CELF2: variants seen among roughly 807,000 people sequenced by gnomAD.
CELF2 encodes CUG triplet repeat RNA-binding protein 2.
CELF2 carries 8 observed loss-of-function variants against 62.6 expected under a neutral mutation model. The observed-to-expected ratio is 0.13, with a 90% CI of 0.07 to 0.23. The LOEUF is 0.23. Ranked by LOEUF, CELF2 falls within the 10% of genes least tolerant of loss-of-function variation. CELF2 has a pLI of 1.00. For missense variants in CELF2, 333 were observed against 671.0 expected, an observed-to-expected ratio of 0.50 and a Z score of 5.56; for synonymous variants, 258 against 250.0, an observed-to-expected ratio of 1.03 and a Z score of -0.30.
the CELF2 span, among the ~76,000 whole-genome samples, chr10:10,726,984 G>A: frequency 1.3e-5 from 2 of 152,184 alleles, no homozygotes; most frequent in African/African-American, 4.8e-5. Context: ...GCTGGAGTAG[G>A]AGGAAGAGAG....
the CELF2 span, among the ~76,000 whole-genome samples, chr10:10,767,921 G>A: frequency 2.4e-5 from 3 of 127,266 alleles, no homozygotes; most frequent in Non-Finnish European, 4.8e-5. Flanking sequence ...GCGTGAACCC[G>A]GGAGGCGGAG....
the CELF2 span, among the ~76,000 whole-genome samples, chr10:10,583,669 GC>G: frequency 6.6e-6 from 1 of 152,096 alleles, no homozygotes; most frequent in Non-Finnish European, 1.5e-5. Context: ...TTTTCCAAAA[GC>G]CCTTTCCTTC....
chr10:11,212,926 C>T (rs575377966), intron 2 of CELF2, among the ~76,000 whole-genome samples: 4 of 152,190 alleles, frequency 2.6e-5, no homozygotes, highest in South Asian at 4.2e-4. Flanking sequence ...CATGAATCGT[C>T]CCATGCAGGT....
the CELF2 span, among the ~76,000 whole-genome samples, chr10:10,613,639 A>T: frequency 7.9e-5 from 12 of 152,284 alleles, no homozygotes; most frequent in South Asian, 2.3e-3. Flanking sequence ...CTTCCTCTCA[A>T]ATTGTTGAAT....
At chr10:10,702,758 G>T in the CELF2 span, among the ~76,000 whole-genome samples, 1 of 152,184 alleles carries the variant, frequency 6.6e-6, no homozygotes, top group Non-Finnish European at 1.5e-5. Flanking sequence ...CTAATTTTCT[G>T]TATTTTTAGT....
intron 2 of CELF2, among the ~76,000 whole-genome samples, chr10:11,213,361 C>T (rs2062436110): frequency 6.6e-6 from 1 of 152,204 alleles, no homozygotes; most frequent in South Asian, 2.1e-4. Context: ...GAATCCAGTA[C>T]ATTTCAGACC....
chr10:10,585,153 C>T, the CELF2 span, among the ~76,000 whole-genome samples: 5 of 152,112 alleles, frequency 3.3e-5, no homozygotes, highest in Non-Finnish European at 5.9e-5. Flanking sequence ...GATGCTCCTA[C>T]TAATTCATGT....
At chr10:10,815,501 T>C (rs1299080784) in intron 1 of CELF2, among the ~76,000 whole-genome samples, 2 of 152,234 alleles carry the variant, frequency 1.3e-5, no homozygotes, top group Non-Finnish European at 2.9e-5. Flanking sequence ...ACTAGCCCTG[T>C]TCTGCTGTCT....
At chr10:10,820,921 C>G (rs1056159511) in intron 1 of CELF2, among the ~76,000 whole-genome samples, 6 of 152,170 alleles carry the variant, frequency 3.9e-5, no homozygotes, top group African/African-American at 1.4e-4. Flanking sequence ...CAGAGTGAAT[C>G]TCGGAGAGCA....
At chr10:11,074,973 T>C (rs890348489) in intron 1 of CELF2, 10 of 152,236 alleles carry the variant, frequency 6.6e-5, no homozygotes, top group Non-Finnish European at 1.2e-4. Flanking sequence ...TATTTTCTCA[T>C]AGAACTGGTT....
intron 1 of CELF2, among the ~76,000 whole-genome samples, chr10:11,052,309 G>T (rs2064106852): frequency 6.6e-6 from 1 of 152,212 alleles, no homozygotes; most frequent in Non-Finnish European, 1.5e-5. Flanking sequence ...ACAACCAGTA[G>T]AGATCATTAC....
chr10:10,873,058 A>T (rs2060854282), intron 1 of CELF2, among the ~76,000 whole-genome samples: 1 of 151,980 alleles, frequency 6.6e-6, no homozygotes. Flanking sequence ...ATGTACACAC[A>T]TCCTTTTATC....
At chr10:10,762,110 G>A in the CELF2 span, among the ~76,000 whole-genome samples, 1 of 152,130 alleles carries the variant, frequency 6.6e-6, no homozygotes, top group Non-Finnish European at 1.5e-5. Flanking sequence ...AAAATTGGGA[G>A]AGAGACAGAG....
At chr10:10,896,537 A>T (rs896137563) in intron 1 of CELF2, among the ~76,000 whole-genome samples, 1 of 151,874 alleles carries the variant, frequency 6.6e-6, no homozygotes, top group Admixed American at 6.6e-5. Context: ...CCTAAATCCA[A>T]TATGGCCAGT....
chr10:10,949,403 C>T (rs769393917), intron 2 of CELF2, among the ~76,000 whole-genome samples: 2 of 152,100 alleles, frequency 1.3e-5, no homozygotes, highest in Admixed American at 1.3e-4. Context: ...AGAGATGGGA[C>T]ACCCAGTGCC....
the CELF2 span, among the ~76,000 whole-genome samples, chr10:10,556,049 T>C: frequency 1.3e-5 from 2 of 152,224 alleles, no homozygotes; most frequent in African/African-American, 4.8e-5. Flanking sequence ...TTTTTTATTA[T>C]ACTTTAAGTT....
In CELF2 at chr10:10,957,484, A is replaced by G. The variant is rs2049028615; in HGVS notation, c.89+37485A>G. Among the ~76,000 whole-genome samples the G allele has an allele frequency of 6.6e-6, 1 of 152,176 alleles. No individual in the cohort carries two copies. Among genetic ancestry groups the G allele is most frequent in the Non-Finnish European group, 1.5e-5 (1 of 68,038 alleles). ...AGAAACCCTACTGGAATTAACCAGG[A>G]TCTACTTTAAACAACCGTCAGACCA... On this transcript the variant is annotated intron_variant, in intron 2 of 13. Transcript: ENST00000636488. The surrounding 1 kb of genome is among the most constrained non-coding windows in gnomAD (Gnocchi z 4.1).
intron 1 of CELF2, among the ~76,000 whole-genome samples, chr10:11,134,587 G>A (rs2060132948): frequency 6.6e-6 from 1 of 152,224 alleles, no homozygotes; most frequent in Non-Finnish European, 1.5e-5. Context: ...GGGCTGTTCT[G>A]TGGAGCCACA....
the CELF2 span, among the ~76,000 whole-genome samples, chr10:10,496,425 G>T: frequency 7.2e-5 from 11 of 152,208 alleles, no homozygotes; most frequent in South Asian, 2.3e-3. Flanking sequence ...AACAAGAAAT[G>T]ATAAAGTCTT....
Sources: allele counts gnomAD v4.1 joint callset (sites outside exome capture counted in the v4.1 genomes callset), GRCh38; gene constraint gnomAD v4.1.1; non-coding constraint Gnocchi (gnomAD v3.1); transcripts MANE v1.5; gene names NCBI Gene and HGNC (gene_info 2026-07-23, HGNC 2026-07-21).